Variants in RUVBL2 observed in about 807,000 individuals in gnomAD.
The protein encoded by RUVBL2 is ruvB-like 2.
Under a neutral mutation model 57.9 loss-of-function variants are expected in RUVBL2, and 9 were observed. That is an observed-to-expected ratio of 0.16 (90% CI 0.09 to 0.27). The LOEUF is 0.27. Ranked by LOEUF, RUVBL2 falls within the 10% of genes least tolerant of loss-of-function variation. RUVBL2 has a pLI of 1.00. For synonymous variants in RUVBL2, 278 were observed against 264.6 expected, an observed-to-expected ratio of 1.05 and a Z score of -0.49; for missense variants, 456 against 669.6, an observed-to-expected ratio of 0.68 and a Z score of 3.52.
intron 4 of RUVBL2, 142 bp downstream of exon 4, chr19:49,004,560 G>A: frequency 2.4e-6 from 2 of 835,488 alleles, no homozygotes; most frequent in South Asian, 3.5e-5. Context: ...TCTTGCCCAT[G>A]GAAGAATCTA....
chr19:49,009,052 T>C (rs1275977776), intron 6 of RUVBL2, among the ~76,000 whole-genome samples: 1 of 148,930 alleles, frequency 6.7e-6, no homozygotes, highest in Non-Finnish European at 1.5e-5. Context: ...TCCCAGCTAC[T>C]TGGGAGGCTG....
upstream of RUVBL2, chr19:48,993,525 T>C (rs910318820): frequency 3.2e-5 from 14 of 442,036 alleles, no homozygotes; most frequent in South Asian, 6.5e-5. Flanking sequence ...CGAGTGGCCT[T>C]CAGCTCTGTC....
chr19:49,013,298 C>T (rs1260754313), intron 11 of RUVBL2, among the ~76,000 whole-genome samples: 1 of 148,302 alleles, frequency 6.7e-6, no homozygotes, highest in East Asian at 2.0e-4. Context: ...TGGTGTTTTG[C>T]CATGTTGCCC....
intron 5 of RUVBL2, 29 bp from the exon 6 acceptor site, chr19:49,007,273 C>T: frequency 6.2e-7 from 1 of 1,610,854 alleles, no homozygotes; most frequent in Non-Finnish European, 8.5e-7. Context: ...AGGTGTCAGG[C>T]TGTCTCCTCA....
chr19:49,015,312 G>A (rs898833246), intron 13 of RUVBL2, 162 bp downstream of exon 13: 11 of 930,142 alleles, frequency 1.2e-5, no homozygotes, highest in African/African-American at 5.0e-5. Flanking sequence ...CTGGCCTATA[G>A]TAGGTATCAG....
intron 6 of RUVBL2, among the ~76,000 whole-genome samples, chr19:49,009,305 A>G (rs1005195253): frequency 1.1e-4 from 16 of 151,406 alleles, no homozygotes; most frequent in Admixed American, 3.3e-4. Flanking sequence ...TGGCTATCAC[A>G]GTGAAACCCC....
At chr19:49,004,564 G>A in intron 4 of RUVBL2, 146 bp downstream of exon 4, 1 of 794,998 alleles carries the variant, frequency 1.3e-6, no homozygotes, top group Non-Finnish European at 2.0e-6. Flanking sequence ...GCCCATGGAA[G>A]AATCTAGAGG....
intron 1 of RUVBL2, 97 bp downstream of exon 1, chr19:48,994,020 G>T: frequency 6.9e-7 from 1 of 1,457,902 alleles, no homozygotes; most frequent in South Asian, 1.2e-5. Context: ...CTGAGGGAGG[G>T]GGGATCTGGG....
chr19:49,003,553 A>G (rs2039224772), intron 3 of RUVBL2, among the ~76,000 whole-genome samples: 1 of 152,208 alleles, frequency 6.6e-6, no homozygotes, highest in South Asian at 2.1e-4. Flanking sequence ...TGGGAGGCCA[A>G]GGTGGGTGGA....
chr19:49,004,071 G>C, intron 3 of RUVBL2: 1 of 611,704 alleles, frequency 1.6e-6, no homozygotes, highest in Non-Finnish European at 2.6e-6. Context: ...AGCCATGATT[G>C]TACCACTGTA....
Position 49,007,169 on chromosome 19 carries a change from G to T in RUVBL2, c.395+22G>T, listed in dbSNP as rs577815171. On this transcript the variant is annotated intron_variant, in intron 5 of 14. Transcript: ENST00000595090. ...TCAAGTAAGCGGGGGACCCGAGGCG[G>T]GTGCCAGACCCCAGAGCCTGGGAGC... The T allele has an allele frequency of 2.4e-5, 38 of 1,612,936 alleles. 1 individual carries two copies. The South Asian group carries it at 3.2e-4, about 14-fold the overall frequency.
chr19:48,995,685 C>CA (rs542563635), intron 1 of RUVBL2, among the ~76,000 whole-genome samples: 25 of 151,446 alleles, frequency 1.7e-4, no homozygotes, highest in Non-Finnish European at 3.1e-4. Context: ...CCTGTCTCTA[C>CA]AAAAAAATAA....
At chr19:49,002,019 T>C (rs1451478211) in intron 2 of RUVBL2, among the ~76,000 whole-genome samples, 1 of 151,896 alleles carries the variant, frequency 6.6e-6, no homozygotes, top group Non-Finnish European at 1.5e-5. Flanking sequence ...TAAATGGCAG[T>C]GTTCCAATAC....
At chr19:49,005,181 C>G (rs1369357558) in intron 4 of RUVBL2, among the ~76,000 whole-genome samples, 2 of 152,192 alleles carry the variant, frequency 1.3e-5, no homozygotes, top group Admixed American at 6.5e-5. Context: ...GAAGCTTTTC[C>G]TAACCCACTG....
upstream of RUVBL2, chr19:48,993,477 C>T (rs761757141): frequency 3.9e-4 from 166 of 428,070 alleles, no homozygotes; most frequent in Non-Finnish European, 6.4e-4. Context: ...GCCGTGAGAC[C>T]TCCAGGGGGC....
At chr19:49,010,236 C>T (rs2039385227) in intron 8 of RUVBL2, 170 bp downstream of exon 8, 3 of 741,868 alleles carry the variant, frequency 4.0e-6, no homozygotes, top group Non-Finnish European at 6.7e-6. Flanking sequence ...CTCAGCCTGG[C>T]ACTATAGCTT....
chr19:48,994,058 AG>A (rs1252066371), intron 1 of RUVBL2, 135 bp downstream of exon 1: 17 of 704,706 alleles, frequency 2.4e-5, no homozygotes, highest in Non-Finnish European at 2.9e-5. Flanking sequence ...CTGAAAGAGG[AG>A]GAAGCTCGGC....
At chr19:49,007,440 T>G in intron 6 of RUVBL2, 72 bp downstream of exon 6, 1 of 1,384,784 alleles carries the variant, frequency 7.2e-7, no homozygotes, top group Non-Finnish European at 1.0e-6. Flanking sequence ...AGATATCAGG[T>G]CTGCACTGAG....
In RUVBL2 at chr19:49,004,115, C is replaced by CAAA. The variant is rs74182026; in HGVS notation, c.124-139_124-137dup. 2,752 of 290,070 alleles carry CAAA rather than the reference C, an allele frequency of 9.5e-3. 10 individuals are homozygous for CAAA. The highest frequency in any genetic ancestry group is 0.022 in the Middle Eastern group (19 of 868). 18.0% of individuals were successfully genotyped at this position (290,070 alleles called of 1,614,324 possible). A position where few individuals can be genotyped will look rare whatever the true frequency, so the allele number is the denominator to read the frequency against. On this transcript the variant is annotated intron_variant, in intron 3 of 14. Transcript: ENST00000595090. ...TGGGTGACAGAGCGAGATCTTGTCT[C>CAAA]AAAAAAAAAAAAAAAAAAAAAAAAA...
Sources: gnomAD v4.1 joint callset for allele counts (sites outside exome capture counted in the v4.1 genomes callset) on GRCh38, gnomAD v4.1.1 for gene constraint, MANE v1.5 for transcripts, NCBI Gene and HGNC (gene_info 2026-07-23, HGNC 2026-07-21) for gene names.